Variants in ALDH1A2 observed in about 807,000 individuals in gnomAD.
ALDH1A2 encodes the protein retinal dehydrogenase 2.
A neutral mutation model predicts 60.3 loss-of-function variants in ALDH1A2; 27 were observed. The observed-to-expected ratio is 0.45, with a 90% CI of 0.33 to 0.62. The LOEUF (loss-of-function observed/expected upper bound fraction) is 0.62. Among genes scored for constraint, ALDH1A2 ranks in the 20% least tolerant of loss-of-function variants. The probability of loss-of-function intolerance (pLI) is 0.02; values close to 1 mark genes in which losing one functional copy is unlikely to be tolerated. For missense variants in ALDH1A2, 581 were observed against 643.8 expected (o/e 0.90, Z 1.06); for synonymous variants, 289 against 232.4 (o/e 1.24, Z -2.21).
chr15:57,955,756 C>G (rs1420204120), intron 12 of ALDH1A2, among the ~76,000 whole-genome samples: 5 of 152,106 alleles, frequency 3.3e-5, no homozygotes, highest in Non-Finnish European at 7.4e-5. Context: ...TTTCCTCCCC[C>G]AAGACGGAGG....
chr15:57,986,356 A>C (rs1168753335), intron 7 of ALDH1A2, among the ~76,000 whole-genome samples: 2 of 152,136 alleles, frequency 1.3e-5, no homozygotes, highest in Non-Finnish European at 2.9e-5. Flanking sequence ...ATTCAACAGA[A>C]ACCTCAGAAG....
At chr15:58,020,806 A>C (rs1469587710) in intron 1 of ALDH1A2, among the ~76,000 whole-genome samples, 1 of 152,144 alleles carries the variant, frequency 6.6e-6, no homozygotes, top group African/African-American at 2.4e-5. Context: ...ATTGTCATTA[A>C]CGTTTTATGT....
chr15:58,047,947 A>G (rs1896675442), intron 1 of ALDH1A2, among the ~76,000 whole-genome samples: 1 of 152,052 alleles, frequency 6.6e-6, no homozygotes. Context: ...TAAGTGTAAT[A>G]TTTTACTAGC....
At chr15:58,026,857 A>T (rs967288433) in intron 1 of ALDH1A2, among the ~76,000 whole-genome samples, 1 of 152,174 alleles carries the variant, frequency 6.6e-6, no homozygotes, top group Admixed American at 6.5e-5. Context: ...GCAGGTAAAC[A>T]AAGTGGCCAG....
chr15:57,963,960 C>T lies in ALDH1A2; in HGVS notation c.1011G>A (p.Val337=), dbSNP rs367804744. Residue 337 remains valine (V), a synonymous_variant, in exon 9 of 13, where the codon GTG becomes GTA. Transcript: ENST00000249750. The part of the protein sequence containing the change: ...FVEESIYEEF[V]RRSVERAKRR... The stretch of plus-strand genomic sequence containing the variant: ...TCTTGGCCCGCTCCACGCTTCTTCT[C>T]ACAAACTCCTCATAGATGGACTCCT... 2.5e-6 allele frequency: 4 copies of T among 1,614,056 alleles called. No individual in the cohort carries two copies. In the African/African-American group the frequency reaches 4.0e-5, roughly 16 times the overall value.
chr15:58,002,051 A>C (rs976408073), intron 4 of ALDH1A2, among the ~76,000 whole-genome samples: 1 of 151,866 alleles, frequency 6.6e-6, no homozygotes, highest in African/African-American at 2.4e-5. Context: ...TTGCTCTTAA[A>C]GGGGGGTTAT....
rs537865361 is a variant in ALDH1A2, at chr15:57,959,301, G to T, written c.1484+1469C>A. Among the ~76,000 whole-genome samples the T allele has an allele frequency of 3.3e-5, 5 of 152,294 alleles. No homozygotes were observed. In the South Asian group the frequency reaches 1.0e-3, roughly 32 times the overall value. ...AAGGAAATGAAATAAGAAGCGGAAT[G>T]CATCTTGAAAAGTGGAAGCAGAAGG... On this transcript the variant is annotated intron_variant, in intron 12 of 12. Transcript: ENST00000249750.
chr15:57,976,481 T>C (rs1237194442), intron 7 of ALDH1A2, among the ~76,000 whole-genome samples: 1 of 152,164 alleles, frequency 6.6e-6, no homozygotes, highest in East Asian at 1.9e-4. Context: ...GCATCCTCAT[T>C]GTTCAACTCT....
chr15:57,978,228 T>C (rs1344778547), intron 7 of ALDH1A2, among the ~76,000 whole-genome samples: 1 of 152,234 alleles, frequency 6.6e-6, no homozygotes, highest in East Asian at 1.9e-4. Flanking sequence ...TCCAATACTA[T>C]GCTGAATAGG....
At chr15:57,982,760 G>T (rs1894558811) in intron 7 of ALDH1A2, among the ~76,000 whole-genome samples, 1 of 152,194 alleles carries the variant, frequency 6.6e-6, no homozygotes. Context: ...AGTGTAAAAA[G>T]ATGATTCATG....
intron 7 of ALDH1A2, among the ~76,000 whole-genome samples, chr15:57,967,990 C>T (rs1021940526): frequency 6.6e-6 from 1 of 152,144 alleles, no homozygotes; most frequent in African/African-American, 2.4e-5. Context: ...CACCGAAGGG[C>T]AACTGGGGAA....
chr15:58,014,620 A>AT (rs1390754493), intron 1 of ALDH1A2: 7 of 450,326 alleles, frequency 1.6e-5, no homozygotes, highest in African/African-American at 1.4e-4. Flanking sequence ...GCTAGTATCC[A>AT]TGAGGGTTAA....
intron 1 of ALDH1A2, among the ~76,000 whole-genome samples, chr15:58,022,794 T>A (rs1395573845): frequency 6.6e-6 from 1 of 152,114 alleles, no homozygotes; most frequent in East Asian, 1.9e-4. Context: ...CACCACTGCA[T>A]CCACCCAGAA....
chr15:57,970,387 T>G (rs1183352720), intron 7 of ALDH1A2, among the ~76,000 whole-genome samples: 4 of 152,200 alleles, frequency 2.6e-5, no homozygotes, highest in Non-Finnish European at 5.9e-5. Context: ...TCAGCAGGAA[T>G]GCTGGCACAG....
chr15:57,993,900 C>T (rs1389548461), intron 5 of ALDH1A2, among the ~76,000 whole-genome samples: 1 of 152,232 alleles, frequency 6.6e-6, no homozygotes, highest in Admixed American at 6.5e-5. Context: ...AGGCTTCTCA[C>T]TGGCTCTGGC....
chr15:57,956,351 A>C (rs1390400973), intron 12 of ALDH1A2, among the ~76,000 whole-genome samples: 1 of 152,240 alleles, frequency 6.6e-6, no homozygotes. Flanking sequence ...TAAATGATTA[A>C]GAAAGGCTGT....
rs546714374 is a variant in ALDH1A2, at chr15:57,968,918, T to C, written c.799-3091A>G. Among the ~76,000 whole-genome samples, 24 of 152,320 alleles carry C rather than the reference T, an allele frequency of 1.6e-4. 1 individual carries two copies. In the East Asian group the frequency reaches 2.9e-3, roughly 18 times the overall value. On this transcript the variant is annotated intron_variant, in intron 7 of 12. Transcript: ENST00000249750. ...TCTATGATCATCAGAGAAGAATACC[T>C]AAGAATAATTTTCCTTGCATCAATG...
intron 7 of ALDH1A2, among the ~76,000 whole-genome samples, chr15:57,969,585 G>A (rs1417711383): frequency 3.9e-5 from 6 of 152,054 alleles, no homozygotes; most frequent in Admixed American, 3.9e-4. Flanking sequence ...AGGCTGCAAG[G>A]GTGCACACGT....
At position 58,065,589 on chromosome 15, in the gene ALDH1A2, G is replaced by A; in HGVS notation, c.62C>T (p.Ala21Val). 4 of 1,612,898 alleles carry A rather than the reference G, an allele frequency of 2.5e-6. No homozygotes were observed. The highest frequency in any genetic ancestry group is 3.4e-6 in the Non-Finnish European group (4 of 1,179,358). The change falls in exon 1 of 13, where the codon GCG (alanine) becomes GTG (valine). Residue 21 changes from alanine to valine, a missense_variant. Coordinates refer to ENST00000249750, the MANE Select transcript of ALDH1A2 (RefSeq NM_003888.4). ...EVKADPAALMASLHLLPSPTP... is the reference protein window; with the variant it reads ...EVKADPAALMVSLHLLPSPTP... Reference sequence around the variant, plus strand: ...GGGCGACGGCAGGAGGTGCAGCGACGCCATGAGGGCGGCGGGGTCGGCCTT... The same window carrying A: ...GGGCGACGGCAGGAGGTGCAGCGACACCATGAGGGCGGCGGGGTCGGCCTT...
Sources: gnomAD v4.1 joint callset for allele counts (sites outside exome capture counted in the v4.1 genomes callset) on GRCh38, gnomAD v4.1.1 for gene constraint, MANE v1.5 for transcripts, NCBI Gene and HGNC (gene_info 2026-07-23, HGNC 2026-07-21) for gene names.